The following VPS13B variants were observed in gnomAD, a reference collection of about 807,000 sequenced individuals.
The protein encoded by VPS13B is vacuolar protein sorting 13 homolog B, also known as intermembrane lipid transfer protein VPS13B.
In VPS13B, 285 loss-of-function variants were observed where a neutral mutation model predicts 426.4. The observed-to-expected ratio is 0.67, with a 90% CI of 0.61 to 0.74. The LOEUF (loss-of-function observed/expected upper bound fraction) is 0.74, where lower values mean the gene tolerates loss of function less well. Ranked by LOEUF, VPS13B falls within the 30% of genes least tolerant of loss-of-function variation. VPS13B has a pLI of 0.00. For synonymous variants in VPS13B, 1,676 were observed against 1,676.4 expected (o/e 1.00, Z 0.01); for missense variants, 4,537 against 4,782.6 (o/e 0.95, Z 1.51).
chr8:99,527,286 A>G (rs1362152679), intron 30 of VPS13B, among the ~76,000 whole-genome samples: 1 of 152,120 alleles, frequency 6.6e-6, no homozygotes, highest in Non-Finnish European at 1.5e-5. Context: ...AACACCTTAT[A>G]TGAATTTGTA....
At chr8:99,569,446 G>C (rs1445432194) in intron 31 of VPS13B, among the ~76,000 whole-genome samples, 1 of 145,394 alleles carries the variant, frequency 6.9e-6, no homozygotes, top group African/African-American at 2.5e-5. Context: ...TACACAAAAG[G>C]GAAAAAAAAA....
At chr8:99,326,637 G>T (rs577056923) in intron 19 of VPS13B, among the ~76,000 whole-genome samples, 16 of 151,304 alleles carry the variant, frequency 1.1e-4, no homozygotes, top group Non-Finnish European at 1.9e-4. Context: ...GAGCTCAAGC[G>T]ATCTGCCCAC....
At chr8:99,028,624 C>A (rs1431074108) in intron 2 of VPS13B, among the ~76,000 whole-genome samples, 1 of 119,280 alleles carries the variant, frequency 8.4e-6, no homozygotes, top group Non-Finnish European at 1.8e-5. Context: ...GGGGGGCTGA[C>A]CCCCCCCACC....
chr8:99,418,277 T>G (rs886927639), intron 21 of VPS13B, among the ~76,000 whole-genome samples: 2 of 152,000 alleles, frequency 1.3e-5, no homozygotes, highest in African/African-American at 4.8e-5. Context: ...CCTCCCTCCT[T>G]TCTTCTTTTC....
At chr8:99,589,912 T>G (rs548070600) in intron 33 of VPS13B, among the ~76,000 whole-genome samples, 1 of 152,268 alleles carries the variant, frequency 6.6e-6, no homozygotes, top group African/African-American at 2.4e-5. Context: ...AGAAGGAATG[T>G]TCCCAGCTCC....
intron 3 of VPS13B, among the ~76,000 whole-genome samples, chr8:99,075,329 G>A (rs1247807425): frequency 6.6e-6 from 1 of 152,312 alleles, no homozygotes; most frequent in Non-Finnish European, 1.5e-5. Flanking sequence ...CATAGCAGAA[G>A]GTGAAGCAGG....
intron 27 of VPS13B, among the ~76,000 whole-genome samples, chr8:99,506,749 G>A (rs1193639290): frequency 3.3e-5 from 5 of 152,066 alleles, no homozygotes; most frequent in Admixed American, 3.3e-4. Flanking sequence ...TCCAGCTGCT[G>A]GGGAGGCTAA....
intron 16 of VPS13B, among the ~76,000 whole-genome samples, chr8:99,177,079 C>T (rs1428698394): frequency 6.6e-6 from 1 of 152,114 alleles, no homozygotes; most frequent in Non-Finnish European, 1.5e-5. Flanking sequence ...AAAAAAATGC[C>T]ACCAAGGACA....
chr8:99,100,948 G>T (rs2132446895), intron 4 of VPS13B, among the ~76,000 whole-genome samples: 1 of 151,922 alleles, frequency 6.6e-6, no homozygotes, highest in East Asian at 2.0e-4. Context: ...GGAGGTTGAG[G>T]CAGGAGAATC....
intron 33 of VPS13B, among the ~76,000 whole-genome samples, chr8:99,601,697 T>C (rs1827307350): frequency 6.6e-6 from 1 of 152,244 alleles, no homozygotes; most frequent in Non-Finnish European, 1.5e-5. Context: ...CCATTCTAAC[T>C]GGCCTGAGAT....
chr8:99,502,332 T>C (rs1214214690), intron 26 of VPS13B, among the ~76,000 whole-genome samples: 1 of 152,156 alleles, frequency 6.6e-6, no homozygotes, highest in African/African-American at 2.4e-5. Flanking sequence ...AAACGCTATT[T>C]TGGAAGAAAT....
rs749432375 is a variant in VPS13B at position 99,536,833 on chromosome 8, C to G, written c.4745+15823C>G. 10 of 506,460 alleles carry G rather than the reference C, an allele frequency of 2.0e-5. No homozygotes were observed. The East Asian group carries it at 5.1e-4, about 26-fold the overall frequency. The allele number at this position is 506,460 out of a possible 1,614,324, so 31.4% of individuals were successfully genotyped here. A position where few individuals can be genotyped will look rare whatever the true frequency, so the allele number is the denominator to read the frequency against. On this transcript the variant is annotated intron_variant, in intron 30 of 61. Coordinates refer to ENST00000357162, the MANE Select transcript of VPS13B (RefSeq NM_152564.5). Reference sequence around the variant, plus strand: ...TGTTTCCAGGTGATTTTAAGAACACCTGATAAAACTGAGGTATAGTACCAC... The same window carrying G: ...TGTTTCCAGGTGATTTTAAGAACACGTGATAAAACTGAGGTATAGTACCAC...
At chr8:99,399,738 GA>G (rs2133332130) in intron 21 of VPS13B, among the ~76,000 whole-genome samples, 1 of 152,290 alleles carries the variant, frequency 6.6e-6, no homozygotes, top group Admixed American at 6.5e-5. Context: ...AGCTCATAAA[GA>G]GATGTAATTA....
At chr8:99,473,501 A>G (rs1399992061) in intron 24 of VPS13B, among the ~76,000 whole-genome samples, 1 of 152,112 alleles carries the variant, frequency 6.6e-6, no homozygotes, top group Non-Finnish European at 1.5e-5. Flanking sequence ...AATTACAAGT[A>G]GGAGGTAACA....
In VPS13B at chr8:99,732,674, T is replaced by C. The variant is rs73703005; in HGVS notation, c.7050+11627T>C. ...TTGCCTGATTGTGAGCTTCTTTGTC[T>C]AGTCTATGGTGCAGTAAGAAAACTC... On this transcript the variant is annotated intron_variant, in intron 39 of 61. Transcript: ENST00000357162. Among the ~76,000 whole-genome samples, 882 of 152,372 alleles carry C rather than the reference T, an allele frequency of 5.8e-3. 7 individuals are homozygous for C. The highest frequency in any genetic ancestry group is 0.02 in the African/African-American group (820 of 41,588).
chr8:99,184,107 T>G (rs1392609071), intron 16 of VPS13B, among the ~76,000 whole-genome samples: 3 of 152,216 alleles, frequency 2.0e-5, no homozygotes, highest in Non-Finnish European at 4.4e-5. Flanking sequence ...TAGACCACTT[T>G]TTATTTATCC....
At chr8:99,338,327 A>G (rs1312793623) in intron 19 of VPS13B, among the ~76,000 whole-genome samples, 1 of 152,072 alleles carries the variant, frequency 6.6e-6, no homozygotes, top group African/African-American at 2.4e-5. Flanking sequence ...TTAATCCTTG[A>G]ACGTAGTGTA....
intron 33 of VPS13B, among the ~76,000 whole-genome samples, chr8:99,612,264 GC>G (rs1827874924): frequency 6.6e-6 from 1 of 152,256 alleles, no homozygotes; most frequent in South Asian, 2.1e-4. Flanking sequence ...GAGTAGCAGT[GC>G]TTAACGTTAT....
chr8:99,272,912 CTT>C lies in VPS13B; in HGVS notation c.2516-1282_2516-1281del, dbSNP rs1248284016. ...ATCTGAAATGTTCTAAAATCTGAAA[CTT>C]TTTGAGAGCCAATATTGACTCTCAA... On this transcript the variant is annotated intron_variant, in intron 17 of 61. Transcript: ENST00000357162. Among the ~76,000 whole-genome samples the C allele has an allele frequency of 3.3e-5, 5 of 152,188 alleles. No individual in the cohort carries two copies. The East Asian group carries it at 9.6e-4, about 29-fold the overall frequency.
Sources: allele counts gnomAD v4.1 joint callset (sites outside exome capture counted in the v4.1 genomes callset), GRCh38; gene constraint gnomAD v4.1.1; transcripts MANE v1.5; gene names NCBI Gene and HGNC (gene_info 2026-07-23, HGNC 2026-07-21).